The following OSBPL2 variants were observed in gnomAD, a reference collection of about 807,000 sequenced individuals.
The protein encoded by OSBPL2 is oxysterol binding protein like 2.
In OSBPL2, 18 loss-of-function variants were observed where a neutral mutation model predicts 58.4. That is an observed-to-expected ratio of 0.31 (90% CI 0.21 to 0.46). The LOEUF is 0.46. Ranked by LOEUF, OSBPL2 falls within the 20% of genes least tolerant of loss-of-function variation. The pLI, the probability that OSBPL2 is intolerant of heterozygous loss-of-function variation, is 1.00. For missense variants in OSBPL2, 461 were observed against 616.5 expected (o/e 0.75, Z 2.67); for synonymous variants, 221 against 234.1 (o/e 0.94, Z 0.51).
At position 62,269,958 on chromosome 20, in the gene OSBPL2, A is replaced by AGCC. The variant is rs1981945506; in HGVS notation, c.259-2164_259-2162dup. Among the ~76,000 whole-genome samples the AGCC allele has an allele frequency of 6.6e-6, 1 of 152,216 alleles. No individual in the cohort carries two copies. The highest frequency in any genetic ancestry group is 2.4e-5 in the African/African-American group (1 of 41,464). ...GCCTGCTCGCCCCTGCAGCAGCCTGAGCCGCAGGCTCTGTGCGTCTGCCCT... is the reference window on the plus strand; with the variant it reads ...GCCTGCTCGCCCCTGCAGCAGCCTGAGCCGCCGCAGGCTCTGTGCGTCTGCCCT... On this transcript the variant is annotated intron_variant, in intron 4 of 13. Transcript: ENST00000313733. The surrounding 1 kb of genome is among the most constrained non-coding windows in gnomAD (Gnocchi z 4.2).
At chr20:62,265,546 C>T (rs952797005) in intron 4 of OSBPL2, among the ~76,000 whole-genome samples, 15 of 152,188 alleles carry the variant, frequency 9.9e-5, no homozygotes, top group Admixed American at 9.2e-4. Context: ...CAATCCAGTG[C>T]TGGGTGAGCT....
chr20:62,294,150 C>T lies in OSBPL2; in HGVS notation c.*263C>T, dbSNP rs1983715318. The T allele has an allele frequency of 3.8e-6, 2 of 522,070 alleles. No homozygotes were observed. The highest frequency in any genetic ancestry group is 2.5e-5 in the South Asian group (1 of 39,506). The allele number at this position is 522,070 out of a possible 1,614,324, so 32.3% of individuals were successfully genotyped here. A position where few individuals can be genotyped will look rare whatever the true frequency, so the allele number is the denominator to read the frequency against. On this transcript the variant is annotated 3_prime_UTR_variant, in exon 14 of 14. Transcript: ENST00000313733. The stretch of plus-strand genomic sequence containing the variant: ...CAACAGGGAAATTCTTCACGGCGCC[C>T]TTTTATGTGGCAGAAATCAGCTGGG...
chr20:62,258,226 C>A (rs1464127181), intron 2 of OSBPL2, among the ~76,000 whole-genome samples: 2 of 152,160 alleles, frequency 1.3e-5, no homozygotes, highest in Non-Finnish European at 2.9e-5. Flanking sequence ...CCCCTCAGTT[C>A]TTGGGCTTCA....
At position 62,294,151 on chromosome 20, in the gene OSBPL2, T is replaced by C; in HGVS notation, c.*264T>C. 2 of 514,098 alleles carry C rather than the reference T, an allele frequency of 3.9e-6. No individual in the cohort carries two copies. The highest frequency in any genetic ancestry group is 6.8e-6 in the Non-Finnish European group (2 of 294,854). The allele number at this position is 514,098 out of a possible 1,614,324, so 31.8% of individuals were successfully genotyped here. A position where few individuals can be genotyped will look rare whatever the true frequency, so the allele number is the denominator to read the frequency against. ...AACAGGGAAATTCTTCACGGCGCCC[T>C]TTTATGTGGCAGAAATCAGCTGGGG... On this transcript the variant is annotated 3_prime_UTR_variant, in exon 14 of 14. Transcript: ENST00000313733.
chr20:62,275,732 G>A (rs892133739), intron 6 of OSBPL2, among the ~76,000 whole-genome samples: 1 of 152,066 alleles, frequency 6.6e-6, no homozygotes, highest in Non-Finnish European at 1.5e-5. Context: ...ACAGGTGTGA[G>A]CCTCTGTGCC....
At chr20:62,286,299 A>G (rs1983116191) in intron 10 of OSBPL2, 1 of 282,806 alleles carries the variant, frequency 3.5e-6, no homozygotes, top group African/African-American at 2.2e-5. Context: ...AAGTACAAAC[A>G]ATTAGCCGGG....
chr20:62,257,257 G>A (rs1279568094), intron 2 of OSBPL2, among the ~76,000 whole-genome samples: 1 of 152,194 alleles, frequency 6.6e-6, no homozygotes, highest in East Asian at 1.9e-4. Flanking sequence ...TGGCTCTGGT[G>A]GCGCCTCCGG....
chr20:62,291,356 T>G, intron 12 of OSBPL2: 1 of 373,640 alleles, frequency 2.7e-6, no homozygotes, highest in Non-Finnish European at 5.2e-6. Flanking sequence ...TGGGGCTGGC[T>G]CCCCGTCCTG....
chr20:62,272,104 G>A (rs769121286), intron 4 of OSBPL2, 21 bp from the exon 5 acceptor site: 10 of 1,613,074 alleles, frequency 6.2e-6, no homozygotes, highest in Middle Eastern at 1.6e-4. Flanking sequence ...AGTAACCAGC[G>A]AGTCTTCCCC....
At position 62,261,316 on chromosome 20, in the gene OSBPL2, CAA is replaced by C. The variant is rs11484468; in HGVS notation, c.182+1210_182+1211del. 1.4e-3 allele frequency among the ~76,000 whole-genome samples: 122 copies of C among 85,690 alleles called. No homozygotes were observed. The East Asian group carries it at 0.017, about 12-fold the overall frequency. 56.2% of individuals were successfully genotyped at this position (85,690 alleles called of 152,430 possible). ...GGGTGACAGAGTGAGACTCCATCTC[CAA>C]AAAAAAAAAAAAAAAAAAGGCACAA... On this transcript the variant is annotated intron_variant, in intron 3 of 13. Transcript: ENST00000313733.
At chr20:62,263,045 C>T (rs534522063) in intron 3 of OSBPL2, among the ~76,000 whole-genome samples, 6 of 152,226 alleles carry the variant, frequency 3.9e-5, no homozygotes, top group South Asian at 2.1e-4. Flanking sequence ...ACCAGGGCCC[C>T]GGGTCAGTGG....
At chr20:62,281,707 C>A in intron 8 of OSBPL2, 83 bp from the exon 9 acceptor site, 1 of 1,005,974 alleles carries the variant, frequency 9.9e-7, no homozygotes, top group Non-Finnish European at 1.6e-6. Flanking sequence ...CAGGGGCCTC[C>A]ACCGCGCTTC....
At chr20:62,272,293 A>G in intron 5 of OSBPL2, 34 bp downstream of exon 5, 1 of 1,605,814 alleles carries the variant, frequency 6.2e-7, no homozygotes. Context: ...GGAGTTTGTC[A>G]TGAAAGTGAT....
At chr20:62,243,840 T>A (rs1457903199) in intron 1 of OSBPL2, among the ~76,000 whole-genome samples, 1 of 103,066 alleles carries the variant, frequency 9.7e-6, no homozygotes. Context: ...TCCTGTTTTT[T>A]TAAATTTTTT....
At position 62,294,038 on chromosome 20, in the gene OSBPL2, A is replaced by C. The variant is rs1387341412; in HGVS notation, c.*151A>C. On this transcript the variant is annotated 3_prime_UTR_variant, in exon 14 of 14. Transcript: ENST00000313733. The stretch of plus-strand genomic sequence containing the variant: ...CATCCCTGATCAAGGATGTAATTCT[A>C]ATTAACTGTTGATTGCCAAACATTT... The C allele has an allele frequency of 8.7e-6, 9 of 1,030,698 alleles. No homozygotes were observed. In the East Asian group the frequency reaches 2.6e-4, roughly 30 times the overall value. 63.8% of individuals were successfully genotyped at this position (1,030,698 alleles called of 1,614,324 possible).
intron 4 of OSBPL2, among the ~76,000 whole-genome samples, chr20:62,265,875 C>T (rs1440735442): frequency 6.6e-6 from 1 of 152,144 alleles, no homozygotes; most frequent in African/African-American, 2.4e-5. Flanking sequence ...CTCATGCCCT[C>T]AGGAAAGCTG....
rs1244553280 is a variant in OSBPL2 at position 62,281,888 on chromosome 20, T to C, written c.872+9T>C. On this transcript the variant is annotated intron_variant, in intron 9 of 13. Transcript: ENST00000313733. ...CACATTCAAGACAAAAAGTAGGTCC[T>C]TGCCAAGTGTTCATGGGGCACCACT... The C allele has an allele frequency of 6.3e-7, 1 of 1,588,968 alleles. No individual in the cohort carries two copies. The highest frequency in any genetic ancestry group is 8.6e-7 in the Non-Finnish European group (1 of 1,157,398).
chr20:62,286,435 G>A, intron 10 of OSBPL2, 148 bp from the exon 11 acceptor site: 1 of 838,274 alleles, frequency 1.2e-6, no homozygotes, highest in Non-Finnish European at 1.9e-6. Flanking sequence ...GGGCAACAGA[G>A]CGAGACTCCG....
At position 62,284,266 on chromosome 20, in the gene OSBPL2, A is replaced by G. The variant is rs1458733219; in HGVS notation, c.996+97A>G. 2.1e-6 allele frequency: 3 copies of G among 1,449,398 alleles called. No homozygotes were observed. The Admixed American group carries it at 5.2e-5, about 25-fold the overall frequency. The allele number at this position is 1,449,398 out of a possible 1,614,324, so 89.8% of individuals were successfully genotyped here. A position where few individuals can be genotyped will look rare whatever the true frequency, so the allele number is the denominator to read the frequency against. On this transcript the variant is annotated intron_variant, in intron 10 of 13. Transcript: ENST00000313733. The stretch of plus-strand genomic sequence containing the variant: ...AGCTCACCTGTTGGGGTCCCAGGGA[A>G]CCTTTGGGCCCCACCAGGAGAGATG...
Sources: gnomAD v4.1 joint callset for allele counts (sites outside exome capture counted in the v4.1 genomes callset) on GRCh38, gnomAD v4.1.1 for gene constraint, Gnocchi (gnomAD v3.1) non-coding constraint, MANE v1.5 for transcripts, NCBI Gene and HGNC (gene_info 2026-07-23, HGNC 2026-07-21) for gene names.